The following BNC2 variants were observed in gnomAD, a reference collection of about 807,000 sequenced individuals.
The protein encoded by BNC2 is zinc finger protein basonuclin-2.
A neutral mutation model predicts 76.3 loss-of-function variants in BNC2; 20 were observed. The ratio of observed to expected loss-of-function variants is 0.26; its 90% CI spans 0.18 to 0.38. The LOEUF is 0.38. Among genes scored for constraint, BNC2 ranks in the 10% least tolerant of loss-of-function variants. The pLI is 1.00. For missense variants in BNC2, 1,382 were observed against 1,399.8 expected (o/e 0.99, Z 0.20); for synonymous variants, 582 against 514.8 (o/e 1.13, Z -1.77).
In BNC2 at chr9:16,724,488, G is replaced by A. The variant is rs372954141; in HGVS notation, c.330+3309C>T. On this transcript the variant is annotated intron_variant, in intron 3 of 6. Coordinates refer to ENST00000380672, the MANE Select transcript of BNC2 (RefSeq NM_017637.6). ...TTACACAAGTGTCATACCCTTTAAT[G>A]TTCTCAAATACTCAGCTATATACAT... is the stretch of plus-strand genomic sequence containing the variant. Among the ~76,000 whole-genome samples, 100 of 152,064 alleles carry A rather than the reference G, an allele frequency of 6.6e-4. No homozygotes were observed. The South Asian group carries it at 0.019, about 29-fold the overall frequency.
intron 1 of BNC2, among the ~76,000 whole-genome samples, chr9:16,763,268 C>A (rs929796230): frequency 6.6e-6 from 1 of 152,120 alleles, no homozygotes; most frequent in Non-Finnish European, 1.5e-5. Flanking sequence ...CAAAATAGTA[C>A]AATGCAAAAT....
At chr9:16,617,527 G>A (rs1820742747) in intron 3 of BNC2, among the ~76,000 whole-genome samples, 3 of 138,042 alleles carry the variant, frequency 2.2e-5, no homozygotes, top group Non-Finnish European at 1.6e-5. Context: ...ACAGATGGAG[G>A]AAAAAAAAAA....
intron 1 of BNC2, among the ~76,000 whole-genome samples, chr9:16,788,354 C>A (rs888805474): frequency 6.6e-6 from 1 of 151,612 alleles, no homozygotes; most frequent in African/African-American, 2.4e-5. Flanking sequence ...GAGATCGAGA[C>A]CATCCTGGCT....
At chr9:16,626,311 A>C (rs1414992725) in intron 3 of BNC2, 2 of 152,222 alleles carry the variant, frequency 1.3e-5, no homozygotes, top group Non-Finnish European at 2.9e-5. Context: ...ATGAAAGCAG[A>C]AAGTCTTTAA....
chr9:16,711,955 C>T (rs1341437174), intron 3 of BNC2, among the ~76,000 whole-genome samples: 1 of 152,202 alleles, frequency 6.6e-6, no homozygotes, highest in Non-Finnish European at 1.5e-5. Context: ...GATAGAAGAG[C>T]ATGTGGCAAA....
intron 1 of BNC2, among the ~76,000 whole-genome samples, chr9:16,778,639 C>T (rs1826035006): frequency 6.6e-6 from 1 of 152,218 alleles, no homozygotes; most frequent in Non-Finnish European, 1.5e-5. Flanking sequence ...ACTTCTAGTG[C>T]ACATTGGACC....
At chr9:16,703,514 A>G (rs920723125) in intron 3 of BNC2, among the ~76,000 whole-genome samples, 1 of 152,154 alleles carries the variant, frequency 6.6e-6, no homozygotes, top group Non-Finnish European at 1.5e-5. Context: ...ATATCTAATG[A>G]ATTCACCTAA....
At chr9:16,491,877 T>C (rs921989382) in intron 5 of BNC2, among the ~76,000 whole-genome samples, 2 of 152,218 alleles carry the variant, frequency 1.3e-5, no homozygotes, top group South Asian at 2.1e-4. Flanking sequence ...TTAAAATATA[T>C]TGATGTCCAT....
At chr9:16,577,243 A>C (rs1050473557) in intron 4 of BNC2, among the ~76,000 whole-genome samples, 5 of 152,096 alleles carry the variant, frequency 3.3e-5, no homozygotes. Flanking sequence ...CAAAAATTCT[A>C]TATTTTCTAT....
chr9:16,591,349 T>G (rs946370716), intron 3 of BNC2, among the ~76,000 whole-genome samples: 11 of 152,160 alleles, frequency 7.2e-5, no homozygotes, highest in African/African-American at 2.7e-4. Flanking sequence ...CTGAAGAGTT[T>G]TGCAACCAAG....
intron 1 of BNC2, among the ~76,000 whole-genome samples, chr9:16,801,081 A>AAGT (rs1436413852): frequency 6.6e-5 from 10 of 152,210 alleles, no homozygotes; most frequent in Middle Eastern, 3.2e-3. Flanking sequence ...AAGTATATAC[A>AAGT]CTTCTAAACA....
At chr9:16,468,344 G>C (rs536727176) in intron 5 of BNC2, among the ~76,000 whole-genome samples, 2 of 151,958 alleles carry the variant, frequency 1.3e-5, no homozygotes, top group Admixed American at 1.3e-4. Context: ...TTGAACATTT[G>C]TTTTCCACCA....
intron 5 of BNC2, among the ~76,000 whole-genome samples, chr9:16,491,346 G>A (rs1228421097): frequency 1.3e-5 from 2 of 152,276 alleles, no homozygotes; most frequent in East Asian, 3.9e-4. Context: ...CAGGTGGAAA[G>A]GGTCTCATGC....
intron 1 of BNC2, among the ~76,000 whole-genome samples, chr9:16,759,751 T>A (rs1223580181): frequency 1.3e-5 from 2 of 148,584 alleles, no homozygotes; most frequent in Admixed American, 1.4e-4. Flanking sequence ...TGACACAGAG[T>A]CTCGCTCTGT....
chr9:16,693,341 C>T (rs1329245752), intron 3 of BNC2, among the ~76,000 whole-genome samples: 1 of 151,988 alleles, frequency 6.6e-6, no homozygotes, highest in Non-Finnish European at 1.5e-5. Context: ...AGAACCCAAC[C>T]CTCTGGGGGT....
chr9:16,620,008 G>A (rs529964129), intron 3 of BNC2, among the ~76,000 whole-genome samples: 1 of 152,292 alleles, frequency 6.6e-6, no homozygotes, highest in Admixed American at 6.5e-5. Context: ...ATTAAGCCAC[G>A]TATGGCCTTC....
chr9:16,579,796 T>A (rs1017267578), intron 4 of BNC2: 2 of 245,296 alleles, frequency 8.2e-6, no homozygotes, highest in Non-Finnish European at 1.5e-5. Context: ...GAAAATGCTG[T>A]TAACAAGGAT....
intron 1 of BNC2, among the ~76,000 whole-genome samples, chr9:16,844,001 G>C (rs955138): frequency 0.24 from 36,888 of 151,862 alleles, 5,148 homozygotes; most frequent in East Asian, 0.54. Context: ...AAATCTTTTG[G>C]CCAGACACGG....
At chr9:16,563,272 C>G (rs957853193) in intron 4 of BNC2, among the ~76,000 whole-genome samples, 5 of 152,116 alleles carry the variant, frequency 3.3e-5, no homozygotes, top group African/African-American at 1.2e-4. Flanking sequence ...TTTTCTCAAT[C>G]TTTTCTGGGT....
Sources: allele counts gnomAD v4.1 joint callset (sites outside exome capture counted in the v4.1 genomes callset), GRCh38; gene constraint gnomAD v4.1.1; transcripts MANE v1.5; gene names NCBI Gene and HGNC (gene_info 2026-07-23, HGNC 2026-07-21).